Variants in NCAM2 observed in about 807,000 individuals in gnomAD.
NCAM2 encodes the protein N-CAM-2.
A neutral mutation model predicts 98.1 loss-of-function variants in NCAM2; 30 were observed. The observed-to-expected ratio is 0.31, with a 90% CI of 0.23 to 0.41. The LOEUF is 0.41. Among genes scored for constraint, NCAM2 ranks in the 10% least tolerant of loss-of-function variants. The pLI is 1.00. For missense variants in NCAM2, 867 were observed against 1,005.8 expected (o/e 0.86, Z 1.87); for synonymous variants, 368 against 342.4 (o/e 1.07, Z -0.83).
intron 10 of NCAM2, among the ~76,000 whole-genome samples, chr21:21,412,755 G>A (rs2076913121): frequency 6.6e-6 from 1 of 151,828 alleles, no homozygotes; most frequent in Non-Finnish European, 1.5e-5. Context: ...AATTCTGAAT[G>A]AAAAATATAA....
chr21:21,534,621 T>G lies in NCAM2; in HGVS notation c.2367T>G (p.Asn789Lys). 9.9e-6 allele frequency: 16 copies of G among 1,611,602 alleles called. No homozygotes were observed. Among genetic ancestry groups the G allele is most frequent in the Non-Finnish European group, 1.4e-5 (16 of 1,178,788 alleles). The change falls in exon 17 of 18, where the codon AAT (asparagine) becomes AAG (lysine). Residue 789 changes from asparagine (N) to lysine (K), a missense_variant. Around this residue, in one of 5 missense-constraint regions of NCAM2, gnomAD observed 125 missense variants for 116.1 expected, o/e 1.08. Coordinates refer to ENST00000400546, the MANE Select transcript of NCAM2 (RefSeq NM_004540.5). The stretch of plus-strand genomic sequence containing the variant: ...ATCACGAAGATGGGAGCCCAGTAAA[T>G]GAGCCAAATGAAACCACACCACTGA... The part of the protein sequence containing the change: ...VTNHEDGSPV[N>K]EPNETTPLTE...
intron 1 of NCAM2, among the ~76,000 whole-genome samples, chr21:21,082,083 C>T (rs1053869682): frequency 3.3e-5 from 5 of 151,650 alleles, no homozygotes; most frequent in African/African-American, 1.2e-4. Flanking sequence ...CAAAAATTAG[C>T]CGGGCGTGGT....
chr21:21,349,130 T>C (rs543744416), intron 8 of NCAM2, among the ~76,000 whole-genome samples: 10 of 152,188 alleles, frequency 6.6e-5, no homozygotes, highest in African/African-American at 2.2e-4. Context: ...AAGGTTACAA[T>C]CAACAAAGTG....
intron 16 of NCAM2, among the ~76,000 whole-genome samples, chr21:21,523,111 G>A (rs1399313899): frequency 6.6e-6 from 1 of 152,076 alleles, no homozygotes; most frequent in East Asian, 1.9e-4. Context: ...TGAATAGTTT[G>A]CAAATATTTT....
intron 6 of NCAM2, among the ~76,000 whole-genome samples, chr21:21,335,206 T>G (rs2074827307): frequency 6.6e-6 from 1 of 152,120 alleles, no homozygotes; most frequent in East Asian, 1.9e-4. Flanking sequence ...AATGTTTTTT[T>G]TGCCAATAAT....
At chr21:21,503,784 T>C (rs1176396065) in intron 15 of NCAM2, among the ~76,000 whole-genome samples, 2 of 151,886 alleles carry the variant, frequency 1.3e-5, no homozygotes. Context: ...TTAGAGAAAA[T>C]GCAGCTCAGA....
At chr21:21,054,027 A>G (rs543303732) in intron 1 of NCAM2, among the ~76,000 whole-genome samples, 2 of 151,904 alleles carry the variant, frequency 1.3e-5, no homozygotes, top group East Asian at 3.9e-4. Context: ...ATCCTTGGAA[A>G]CACCAATTAT....
intron 1 of NCAM2, among the ~76,000 whole-genome samples, chr21:21,272,934 T>TCACACACACACA (rs61235726): frequency 0.06 from 7,544 of 124,762 alleles, 686 homozygotes; most frequent in African/African-American, 0.18. Context: ...GGACATGCAT[T>TCACACACACACA]CACACACACA....
chr21:21,519,085 G>C (rs368906988), intron 16 of NCAM2, among the ~76,000 whole-genome samples: 9 of 151,972 alleles, frequency 5.9e-5, no homozygotes, highest in African/African-American at 2.2e-4. Context: ...ATGTTCAAAG[G>C]CAAATGACGC....
intron 13 of NCAM2, among the ~76,000 whole-genome samples, chr21:21,467,968 G>C (rs1983942371): frequency 6.6e-6 from 1 of 151,988 alleles, no homozygotes; most frequent in African/African-American, 2.4e-5. Context: ...TTCAGTGCAT[G>C]GTCTGTTTTT....
At chr21:21,482,297 T>C (rs1307453624) in intron 15 of NCAM2, among the ~76,000 whole-genome samples, 1 of 152,144 alleles carries the variant, frequency 6.6e-6, no homozygotes, top group Non-Finnish European at 1.5e-5. Context: ...TAACATTATA[T>C]ATTTGCAAAA....
chr21:21,232,434 TTAA>T (rs1192478626), intron 1 of NCAM2, among the ~76,000 whole-genome samples: 3 of 151,722 alleles, frequency 2.0e-5, no homozygotes, highest in Non-Finnish European at 4.4e-5. Flanking sequence ...GAGGAATCAG[TTAA>T]TAATCATTTT....
intron 1 of NCAM2, among the ~76,000 whole-genome samples, chr21:21,187,150 G>A (rs2068666496): frequency 6.6e-6 from 1 of 152,014 alleles, no homozygotes; most frequent in Admixed American, 6.6e-5. Context: ...CTTGAACCTG[G>A]GAGGCGGAGG....
At chr21:21,099,971 T>C (rs961695437) in intron 1 of NCAM2, among the ~76,000 whole-genome samples, 1 of 151,172 alleles carries the variant, frequency 6.6e-6, no homozygotes, top group Non-Finnish European at 1.5e-5. Context: ...ATGTGTTTGT[T>C]TATTATTGTG....
intron 1 of NCAM2, among the ~76,000 whole-genome samples, chr21:21,088,131 A>T (rs888803628): frequency 6.6e-6 from 1 of 152,240 alleles, no homozygotes; most frequent in Non-Finnish European, 1.5e-5. Flanking sequence ...ATTTGTGTAT[A>T]CAATTAATAG....
intron 8 of NCAM2, among the ~76,000 whole-genome samples, chr21:21,351,162 A>G (rs369386438): frequency 6.6e-6 from 1 of 150,518 alleles, no homozygotes; most frequent in Non-Finnish European, 1.5e-5. Context: ...CTAATATCCA[A>G]TATAATTTCA....
chr21:21,002,078 C>G (rs767251765), intron 1 of NCAM2, among the ~76,000 whole-genome samples: 3 of 152,106 alleles, frequency 2.0e-5, no homozygotes, highest in Admixed American at 6.5e-5. Flanking sequence ...TGCAAAGTTT[C>G]TATTAAATCG....
chr21:21,478,035 T>C (rs931302210), intron 15 of NCAM2, among the ~76,000 whole-genome samples: 1 of 152,210 alleles, frequency 6.6e-6, no homozygotes, highest in Non-Finnish European at 1.5e-5. Context: ...ACTGGTTAGA[T>C]TCTACCATTG....
At chr21:21,088,792 A>T (rs1203475088) in intron 1 of NCAM2, among the ~76,000 whole-genome samples, 1 of 151,986 alleles carries the variant, frequency 6.6e-6, no homozygotes, top group Non-Finnish European at 1.5e-5. Context: ...GGAGATCGAG[A>T]CCGTGTCTCT....
Sources: allele counts gnomAD v4.1 joint callset (sites outside exome capture counted in the v4.1 genomes callset), GRCh38; gene constraint gnomAD v4.1.1; regional missense constraint gnomAD v4.1.1; transcripts MANE v1.5; gene names NCBI Gene and HGNC (gene_info 2026-07-23, HGNC 2026-07-21).